PCDHA2: variants seen among roughly 807,000 people sequenced by gnomAD.
PCDHA2 encodes the protein protocadherin alpha-2.
In PCDHA2, 58 loss-of-function variants were observed where a neutral mutation model predicts 66.0. The observed-to-expected ratio is 0.88, with a 90% confidence interval of 0.71 to 1.09. The LOEUF is 1.09. Among genes scored for constraint, PCDHA2 ranks in the 50% least tolerant of loss-of-function variants. The pLI, the probability that PCDHA2 is intolerant of heterozygous loss-of-function variation, is 0.00. For synonymous variants in PCDHA2, 634 were observed against 554.0 expected (o/e 1.14, Z -2.03); for missense variants, 1,267 against 1,242.3 (o/e 1.02, Z -0.30).
At chr5:140,968,245 C>T (rs2096233117) in intron 1 of PCDHA2, 2 of 1,614,038 alleles carry the variant, frequency 1.2e-6, no homozygotes, top group Non-Finnish European at 1.7e-6. Flanking sequence ...CTGTGCAAGC[C>T]ACAGACCCAG....
Position 140,808,861 on chromosome 5 carries a change from A to C in PCDHA2, c.2388+11509A>C, listed in dbSNP as rs782428956. 1.9e-6 allele frequency: 3 copies of C among 1,613,152 alleles called. No homozygotes were observed. The Admixed American group carries it at 5.0e-5, about 27-fold the overall frequency. On this transcript the variant is annotated intron_variant, in intron 1 of 3. Transcript: ENST00000526136. ...CGCTGCAGGTGTTCGTGCTGGACGA[A>C]AACGACAACGCGCCAGCACTGCTAG...
At chr5:140,927,147 G>T (rs1554204095) in intron 1 of PCDHA2, 5 of 1,614,162 alleles carry the variant, frequency 3.1e-6, no homozygotes, top group Non-Finnish European at 4.2e-6. Context: ...ACCGCGAACA[G>T]CTGTGCAGGG....
intron 1 of PCDHA2, chr5:140,823,276 C>A: frequency 6.2e-7 from 1 of 1,612,170 alleles, no homozygotes; most frequent in Non-Finnish European, 8.5e-7. Context: ...GGTGGGCGAG[C>A]GCCCGCTGTC....
chr5:140,857,928 C>A (rs529968685), intron 1 of PCDHA2: 1 of 1,597,668 alleles, frequency 6.3e-7, no homozygotes, highest in East Asian at 2.2e-5. Flanking sequence ...GGGCTGTACA[C>A]GGGCGAGATC....
chr5:140,871,026 G>C (rs1562655563), intron 1 of PCDHA2: 2 of 1,613,220 alleles, frequency 1.2e-6, no homozygotes, highest in Non-Finnish European at 8.5e-7. Flanking sequence ...AGGCAGACTC[G>C]CCGCGCCACC....
At chr5:140,804,424 T>C (rs1481564521) in intron 1 of PCDHA2, 3 of 152,088 alleles carry the variant, frequency 2.0e-5, no homozygotes, top group African/African-American at 7.2e-5. Flanking sequence ...ATATATTCAT[T>C]TTAAAAGAAT....
intron 1 of PCDHA2, among the ~76,000 whole-genome samples, chr5:140,977,625 T>A (rs2096768746): frequency 6.6e-6 from 1 of 152,144 alleles, no homozygotes; most frequent in Non-Finnish European, 1.5e-5. Flanking sequence ...ATCCCAGAGT[T>A]GTAACTTTTT....
chr5:140,937,039 CT>C (rs34994034), intron 1 of PCDHA2, among the ~76,000 whole-genome samples: 142 of 140,130 alleles, frequency 1.0e-3, no homozygotes, highest in Middle Eastern at 3.8e-3. Flanking sequence ...TTCCATTTAT[CT>C]TTTTTTTTTT....
At chr5:140,861,560 C>T in intron 1 of PCDHA2, 2 of 391,164 alleles carry the variant, frequency 5.1e-6, no homozygotes, top group African/African-American at 2.1e-5. Flanking sequence ...TGATCGTGGA[C>T]AAGCTGCTAC....
chr5:140,986,950 A>G (rs1161887732), intron 3 of PCDHA2, among the ~76,000 whole-genome samples: 1 of 152,282 alleles, frequency 6.6e-6, no homozygotes, highest in East Asian at 1.9e-4. Context: ...GTGGTCGCTC[A>G]TGCCTGTAAT....
rs1281739668 is a variant in PCDHA2, at chr5:140,966,815, C to T, written c.2389-12134C>T. On this transcript the variant is annotated intron_variant, in intron 1 of 3. Transcript: ENST00000526136. The stretch of plus-strand genomic sequence containing the variant: ...TGCGGCGACAGAGCATCCACGGCTC[C>T]GGCGGCCCATGCCCTGGCTGCTGCT... 1.9e-6 allele frequency: 3 copies of T among 1,552,884 alleles called. No individual in the cohort carries two copies. The highest frequency in any genetic ancestry group is 1.7e-6 in the Non-Finnish European group (2 of 1,153,182).
At chr5:140,881,277 A>G (rs1370714709) in intron 1 of PCDHA2, 5 of 731,680 alleles carry the variant, frequency 6.8e-6, no homozygotes, top group Non-Finnish European at 8.4e-6. Flanking sequence ...ATGAAGTAAG[A>G]TGGAGAGAGA....
At position 140,794,860 on chromosome 5, in the gene PCDHA2, G is replaced by A; in HGVS notation, c.-105G>A. The A allele has an allele frequency of 7.9e-7, 1 of 1,267,506 alleles. No individual in the cohort carries two copies. Among genetic ancestry groups the A allele is most frequent in the Non-Finnish European group, 1.1e-6 (1 of 913,160 alleles). The allele number at this position is 1,267,506 out of a possible 1,614,324, so 78.5% of individuals were successfully genotyped here. On this transcript the variant is annotated 5_prime_UTR_variant, in exon 1 of 4. Coordinates refer to ENST00000526136, the MANE Select transcript of PCDHA2 (RefSeq NM_018905.3). ...CCCAGAGCCCCTTTGTTACTTCAGA[G>A]AAGCGGAGGAATAAGAGAAGCAGCA...
At chr5:140,941,194 TCTTTCTTCCTTTCTTTCTTCC>T (rs1563183817) in intron 1 of PCDHA2, among the ~76,000 whole-genome samples, 5 of 112,350 alleles carry the variant, frequency 4.5e-5, no homozygotes, top group Admixed American at 9.1e-5. Flanking sequence ...TCTTTTTTTT[TCTTTCTTCCTTTCTTTCTTCC>T]TTTCTTTCTT....
chr5:140,834,564 C>T (rs2150221113), intron 1 of PCDHA2: 12 of 1,613,972 alleles, frequency 7.4e-6, no homozygotes, highest in African/African-American at 2.7e-5. Flanking sequence ...GGAGCTGGTG[C>T]CGCGCCTGTT....
At position 140,795,162 on chromosome 5, in the gene PCDHA2, G is replaced by A; in HGVS notation, c.198G>A (p.Val66=). ...AGCTGGTGCCGCGCCTGTTCCGGGT[G>A]GCGTCCAAAAGACACGGGGACCTTC... ...LEELVPRLFR[V]ASKRHGDLLE... Residue 66 remains valine (V), a synonymous_variant, in exon 1 of 4, where the codon GTG becomes GTA. Transcript: ENST00000526136. 1.2e-6 allele frequency: 2 copies of A among 1,614,072 alleles called. No individual in the cohort carries two copies. Among genetic ancestry groups the A allele is most frequent in the Non-Finnish European group, 1.7e-6 (2 of 1,180,030 alleles).
intron 1 of PCDHA2, chr5:140,867,464 C>A (rs1358869562): frequency 6.6e-6 from 1 of 151,874 alleles, no homozygotes; most frequent in Non-Finnish European, 1.5e-5. Context: ...AGTGTTATGA[C>A]AACATTGGGA....
intron 2 of PCDHA2, 146 bp downstream of exon 2, chr5:140,979,153 G>A (rs2096837239): frequency 2.8e-6 from 4 of 1,434,028 alleles, no homozygotes; most frequent in Non-Finnish European, 2.7e-6. Context: ...TTGTCCCCAT[G>A]TTTATTCCTT....
intron 1 of PCDHA2, chr5:140,857,485 G>T (rs1554150101): frequency 6.3e-7 from 1 of 1,598,484 alleles, no homozygotes; most frequent in Admixed American, 1.7e-5. Context: ...TGTCTGCGTG[G>T]GACGCGGACG....
Sources: allele counts gnomAD v4.1 joint callset (sites outside exome capture counted in the v4.1 genomes callset), GRCh38; gene constraint gnomAD v4.1.1; transcripts MANE v1.5; gene names NCBI Gene and HGNC (gene_info 2026-07-23, HGNC 2026-07-21).